ATXN7L1: variants seen among roughly 807,000 people sequenced by gnomAD.
ATXN7L1 encodes the protein ataxin-7-like protein 1.
In ATXN7L1, 15 loss-of-function variants were observed where a neutral mutation model predicts 70.8. That is an observed-to-expected ratio of 0.21 (90% CI 0.14 to 0.33). ATXN7L1 has a LOEUF of 0.33. ATXN7L1 is among the 10% of genes least tolerant of loss of function. The pLI, the probability that ATXN7L1 is intolerant of heterozygous loss-of-function variation, is 1.00. For synonymous variants in ATXN7L1, 440 were observed against 445.1 expected, an observed-to-expected ratio of 0.99 and a Z score of 0.14; for missense variants, 975 against 1,097.1, an observed-to-expected ratio of 0.89 and a Z score of 1.57.
At chr7:105,649,094 G>A (rs536470870) in intron 4 of ATXN7L1, among the ~76,000 whole-genome samples, 1 of 152,322 alleles carries the variant, frequency 6.6e-6, no homozygotes, top group Admixed American at 6.5e-5. Flanking sequence ...AAGGATGCAT[G>A]TGCACACTTC....
At chr7:105,870,221 G>A (rs1297787133) in intron 2 of ATXN7L1, among the ~76,000 whole-genome samples, 6 of 150,550 alleles carry the variant, frequency 4.0e-5, no homozygotes, top group African/African-American at 9.8e-5. Context: ...GGTGGAGGTC[G>A]CAGTGAGCTG....
chr7:105,731,954 A>G (rs1254208045), intron 3 of ATXN7L1, among the ~76,000 whole-genome samples: 2 of 151,674 alleles, frequency 1.3e-5, no homozygotes, highest in Non-Finnish European at 2.9e-5. Flanking sequence ...TTAGCCGGGC[A>G]TGGTAGCGGG....
chr7:105,643,571 G>A (rs1798568490), intron 4 of ATXN7L1, among the ~76,000 whole-genome samples: 3 of 152,162 alleles, frequency 2.0e-5, no homozygotes, highest in African/African-American at 7.2e-5. Flanking sequence ...GCCCGGATCG[G>A]GCCTGACATC....
intron 6 of ATXN7L1, among the ~76,000 whole-genome samples, chr7:105,639,080 C>T (rs1344051898): frequency 6.6e-6 from 1 of 152,138 alleles, no homozygotes; most frequent in Non-Finnish European, 1.5e-5. Context: ...CCCTGGCCAC[C>T]CCGGTGTGGC....
rs117076179 is a variant in ATXN7L1, at chr7:105,654,470, G to A, written c.578+10596C>T. On this transcript the variant is annotated intron_variant, in intron 4 of 11. Transcript: ENST00000419735. ...AAATGAAGGGCAGAGAGAGCTTGAC[G>A]TCAGGCAACACCGAGGGTGGTGCTC... 7.2e-5 allele frequency among the ~76,000 whole-genome samples: 11 copies of A among 152,358 alleles called. No homozygotes were observed. In the East Asian group the frequency reaches 1.9e-3, roughly 27 times the overall value.
intron 3 of ATXN7L1, among the ~76,000 whole-genome samples, chr7:105,749,093 T>G (rs1200041346): frequency 3.3e-5 from 5 of 152,186 alleles, no homozygotes; most frequent in African/African-American, 9.7e-5. Flanking sequence ...TTATTAGATT[T>G]GTCTTGTTGA....
intron 2 of ATXN7L1, among the ~76,000 whole-genome samples, chr7:105,803,548 C>T (rs564189747): frequency 6.6e-6 from 1 of 152,334 alleles, no homozygotes; most frequent in East Asian, 1.9e-4. Flanking sequence ...CACCTTCCAC[C>T]TTTACTGCTG....
chr7:105,652,576 T>G (rs199865858), intron 4 of ATXN7L1, among the ~76,000 whole-genome samples: 1 of 152,158 alleles, frequency 6.6e-6, no homozygotes, highest in Admixed American at 6.5e-5. Flanking sequence ...TGTAGGCTGC[T>G]CTGCAGTGCC....
At chr7:105,726,914 T>A (rs1477891255) in intron 3 of ATXN7L1, among the ~76,000 whole-genome samples, 2 of 152,250 alleles carry the variant, frequency 1.3e-5, no homozygotes, top group Non-Finnish European at 2.9e-5. Context: ...CCTCTTCTAT[T>A]AATTTAACAA....
intron 3 of ATXN7L1, among the ~76,000 whole-genome samples, chr7:105,728,875 G>A (rs1168418420): frequency 6.6e-6 from 1 of 152,156 alleles, no homozygotes. Context: ...GCCAAAACTG[G>A]AGGAATTTGA....
At chr7:105,761,323 T>G (rs1296734171) in intron 3 of ATXN7L1, 40 of 1,612,206 alleles carry the variant, frequency 2.5e-5, no homozygotes, top group Non-Finnish European at 3.2e-5. Flanking sequence ...CTCCAGACAA[T>G]GCCAGTCCTC....
At chr7:105,816,036 C>T (rs983187391) in intron 2 of ATXN7L1, among the ~76,000 whole-genome samples, 5 of 152,196 alleles carry the variant, frequency 3.3e-5, no homozygotes, top group African/African-American at 1.2e-4. Flanking sequence ...ATTTAAATCA[C>T]CATCATACTG....
chr7:105,643,312 C>T (rs918330041), intron 4 of ATXN7L1, among the ~76,000 whole-genome samples, 191 bp from the exon 5 acceptor site: 2 of 152,006 alleles, frequency 1.3e-5, no homozygotes, highest in South Asian at 4.2e-4. Context: ...ACAGGGGGTG[C>T]GAGGCTGGCA....
intron 3 of ATXN7L1, among the ~76,000 whole-genome samples, chr7:105,758,673 G>T (rs1299495542): frequency 6.6e-6 from 1 of 152,174 alleles, no homozygotes; most frequent in African/African-American, 2.4e-5. Context: ...TTCCATGAGG[G>T]TCTACCGCAG....
intron 2 of ATXN7L1, among the ~76,000 whole-genome samples, chr7:105,793,908 TG>T (rs1195512757): frequency 6.6e-6 from 1 of 152,152 alleles, no homozygotes; most frequent in Admixed American, 6.5e-5. Flanking sequence ...TTTTAGTTTT[TG>T]ACCCCAACCC....
At chr7:105,755,408 G>A (rs1395650766) in intron 3 of ATXN7L1, among the ~76,000 whole-genome samples, 1 of 152,194 alleles carries the variant, frequency 6.6e-6, no homozygotes, top group Non-Finnish European at 1.5e-5. Context: ...TCAAGGTAAG[G>A]AGGGGAAAGG....
At chr7:105,656,576 C>CT (rs10690416) in intron 4 of ATXN7L1, among the ~76,000 whole-genome samples, 1,603 of 139,906 alleles carry the variant, frequency 0.011, 50 homozygotes, top group Admixed American at 0.057. Flanking sequence ...CTTCTTCTTC[C>CT]TTTTTTTTTT....
chr7:105,687,670 C>A (rs150947672), intron 3 of ATXN7L1, among the ~76,000 whole-genome samples: 1 of 152,268 alleles, frequency 6.6e-6, no homozygotes, highest in Non-Finnish European at 1.5e-5. Context: ...CCTATCATAC[C>A]AAGACCAATA....
chr7:105,700,998 T>A (rs1792386322), intron 3 of ATXN7L1, among the ~76,000 whole-genome samples: 1 of 152,174 alleles, frequency 6.6e-6, no homozygotes, highest in Non-Finnish European at 1.5e-5. Context: ...CCTTATTATT[T>A]ATAGCTCCTC....
Sources: allele counts gnomAD v4.1 joint callset (sites outside exome capture counted in the v4.1 genomes callset), GRCh38; gene constraint gnomAD v4.1.1; transcripts MANE v1.5; gene names NCBI Gene and HGNC (gene_info 2026-07-23, HGNC 2026-07-21).